The following R3HDM2 variants were observed in gnomAD, a reference collection of about 807,000 sequenced individuals.
R3HDM2 encodes the protein R3H domain containing 2.
Under a neutral mutation model 124.5 loss-of-function variants are expected in R3HDM2, and 38 were observed. The observed-to-expected ratio is 0.31, with a 90% CI of 0.24 to 0.40. The LOEUF (loss-of-function observed/expected upper bound fraction) is 0.40, where lower values mean the gene tolerates loss of function less well. Ranked by LOEUF, R3HDM2 falls within the 10% of genes least tolerant of loss-of-function variation. The probability of loss-of-function intolerance (pLI) is 1.00; values close to 1 mark genes in which losing one functional copy is unlikely to be tolerated. For synonymous variants in R3HDM2, 391 were observed against 448.0 expected, an observed-to-expected ratio of 0.87 and a Z score of 1.61; for missense variants, 869 against 1,236.9, an observed-to-expected ratio of 0.70 and a Z score of 4.46.
intron 2 of R3HDM2, among the ~76,000 whole-genome samples, chr12:57,374,944 C>T (rs1296528308): frequency 6.7e-6 from 1 of 150,240 alleles, no homozygotes; most frequent in African/African-American, 2.4e-5. Flanking sequence ...TGCAGTGAGC[C>T]GAGATCATGC....
chr12:57,343,002 T>C (rs1404973757), intron 2 of R3HDM2, among the ~76,000 whole-genome samples: 1 of 152,014 alleles, frequency 6.6e-6, no homozygotes, highest in East Asian at 1.9e-4. Flanking sequence ...AAGGAAACCA[T>C]GAAGGCATCT....
chr12:57,345,052 T>C (rs2059952109), intron 2 of R3HDM2, among the ~76,000 whole-genome samples: 1 of 152,082 alleles, frequency 6.6e-6, no homozygotes, highest in African/African-American at 2.4e-5. Flanking sequence ...CAGGCTGGTA[T>C]CAAACTCCCG....
intron 2 of R3HDM2, among the ~76,000 whole-genome samples, chr12:57,320,198 T>C (rs994592401): frequency 9.7e-5 from 12 of 123,590 alleles, no homozygotes; most frequent in African/African-American, 3.4e-4. Context: ...GAGGTGGAGG[T>C]TGCAGTGAGC....
intron 19 of R3HDM2, among the ~76,000 whole-genome samples, chr12:57,266,106 C>CTTTTTTT (rs74991749): frequency 9.0e-6 from 1 of 111,172 alleles, no homozygotes; most frequent in African/African-American, 3.4e-5. Context: ...CATAATTTTT[C>CTTTTTTT]TTTTTTTTTT....
At chr12:57,359,107 G>A (rs760017025) in intron 2 of R3HDM2, among the ~76,000 whole-genome samples, 4 of 152,080 alleles carry the variant, frequency 2.6e-5, no homozygotes, top group South Asian at 2.1e-4. Context: ...TAGTAGAGGC[G>A]AGGTTTCACA....
chr12:57,293,480 T>G (rs891753672), intron 10 of R3HDM2, among the ~76,000 whole-genome samples: 1 of 152,038 alleles, frequency 6.6e-6, no homozygotes, highest in Non-Finnish European at 1.5e-5. Flanking sequence ...CTAGAAAATG[T>G]AGTGAGGTAA....
rs2067229701 is a variant in R3HDM2, at chr12:57,394,694, G to A, written c.-36+1055C>T. On this transcript the variant is annotated intron_variant, in intron 2 of 23. Transcript: ENST00000402412. ...TGCAATTAATGTAATCTGTATATAA[G>A]CATTTAAATGCACCAAGAAGGGTCC... Among the ~76,000 whole-genome samples the A allele has an allele frequency of 2.6e-5, 4 of 151,998 alleles. No homozygotes were observed. The South Asian group carries it at 8.3e-4, about 31-fold the overall frequency.
rs1412791953 is a variant in R3HDM2, at chr12:57,269,060, G to A, written c.1737C>T (p.Asn579=). 1.2e-6 allele frequency: 2 copies of A among 1,614,236 alleles called. No individual in the cohort carries two copies. Among genetic ancestry groups the A allele is most frequent in the South Asian group, 2.2e-5 (2 of 91,086 alleles). The change falls in exon 17 of 24, where the codon AAC becomes AAT. Residue 579 remains asparagine (N), a synonymous_variant. Transcript: ENST00000402412. Reference sequence around the variant, plus strand: ...TGCCTTGGTAAGCCGCCTGCTGCTGGTTAGGCATCATGGGCTGTAAACCTA... The same window carrying A: ...TGCCTTGGTAAGCCGCCTGCTGCTGATTAGGCATCATGGGCTGTAAACCTA... ...QQPGLQPMMP[N]QQQAAYQGMI... is the part of the protein sequence containing the mutation.
intron 2 of R3HDM2, among the ~76,000 whole-genome samples, chr12:57,362,028 A>T (rs771668886): frequency 1.3e-4 from 20 of 152,132 alleles, no homozygotes; most frequent in Non-Finnish European, 2.4e-4. Context: ...AGCTACTCGG[A>T]GGCTGAGGTG....
At chr12:57,403,441 G>A (rs1489193393) in intron 1 of R3HDM2, among the ~76,000 whole-genome samples, 2 of 150,556 alleles carry the variant, frequency 1.3e-5, no homozygotes, top group Admixed American at 6.7e-5. Flanking sequence ...GTAGTGAGCC[G>A]AGATCACACC....
intron 1 of R3HDM2, among the ~76,000 whole-genome samples, chr12:57,399,203 A>C (rs1225228056): frequency 1.3e-5 from 2 of 152,044 alleles, no homozygotes; most frequent in Non-Finnish European, 2.9e-5. Flanking sequence ...GGAGTTTGAG[A>C]CCAGCCTGGC....
At chr12:57,299,012 C>G (rs2050514887) in intron 6 of R3HDM2, among the ~76,000 whole-genome samples, 1 of 151,986 alleles carries the variant, frequency 6.6e-6, no homozygotes, top group African/African-American at 2.4e-5. Flanking sequence ...TCACCCTAGC[C>G]ATCCCCAAAC....
rs117619815 is a variant in R3HDM2, at chr12:57,389,225, C to A, written c.-36+6524G>T. Among the ~76,000 whole-genome samples, 324 of 152,298 alleles carry A rather than the reference C, an allele frequency of 2.1e-3. 9 individuals carry two copies. The East Asian group carries it at 0.05, about 23-fold the overall frequency. ...CATTCGTTCATGCAGCAAATAACTA[C>A]TGAGTAACCACTTGCAAAGCACCAT... On this transcript the variant is annotated intron_variant, in intron 2 of 23. Coordinates refer to ENST00000402412, the MANE Select transcript of R3HDM2 (RefSeq NM_001394031.1).
At chr12:57,267,914 G>A (rs2042829384) in intron 18 of R3HDM2, among the ~76,000 whole-genome samples, 1 of 152,142 alleles carries the variant, frequency 6.6e-6, no homozygotes, top group Non-Finnish European at 1.5e-5. Flanking sequence ...TATATAAATA[G>A]ATACAGAAAT....
chr12:57,428,501 G>C (rs1198469164), intron 1 of R3HDM2, among the ~76,000 whole-genome samples: 5 of 140,762 alleles, frequency 3.6e-5, no homozygotes, highest in Non-Finnish European at 7.9e-5. Flanking sequence ...ATGGTGGGGG[G>C]TGTGGTGGGG....
intron 11 of R3HDM2, among the ~76,000 whole-genome samples, chr12:57,292,103 C>T (rs1385201282): frequency 6.6e-6 from 1 of 152,190 alleles, no homozygotes; most frequent in Non-Finnish European, 1.5e-5. Context: ...GATGCCAGAC[C>T]TGTGCTCTAA....
chr12:57,336,667 G>C (rs1046232869), intron 2 of R3HDM2, among the ~76,000 whole-genome samples: 1 of 152,118 alleles, frequency 6.6e-6, no homozygotes, highest in Admixed American at 6.5e-5. Flanking sequence ...CTACATGAGC[G>C]GGGAGGGTGA....
chr12:57,412,541 C>T (rs1389926975), intron 1 of R3HDM2, among the ~76,000 whole-genome samples: 1 of 151,736 alleles, frequency 6.6e-6, no homozygotes. Context: ...GATTCTGTCT[C>T]AAAGAAAAAA....
At chr12:57,342,522 TGTAA>T in intron 2 of R3HDM2, among the ~76,000 whole-genome samples, 1 of 151,488 alleles carries the variant, frequency 6.6e-6, no homozygotes, top group South Asian at 2.1e-4. Context: ...ACACAGAGGC[TGTAA>T]GAGCACCCCC....
Sources: allele counts gnomAD v4.1 joint callset (sites outside exome capture counted in the v4.1 genomes callset), GRCh38; gene constraint gnomAD v4.1.1; transcripts MANE v1.5; gene names NCBI Gene and HGNC (gene_info 2026-07-23, HGNC 2026-07-21).